PCDH9: variants seen among roughly 807,000 people sequenced by gnomAD.
The protein encoded by PCDH9 is protocadherin-9.
PCDH9 carries 24 observed loss-of-function variants against 70.6 expected under a neutral mutation model. The ratio of observed to expected loss-of-function variants is 0.34; its 90% CI spans 0.25 to 0.48. The LOEUF is 0.48. PCDH9 is among the 20% of genes least tolerant of loss of function. The pLI, the probability that PCDH9 is intolerant of heterozygous loss-of-function variation, is 0.99. For missense variants in PCDH9, 1,281 were observed against 1,503.6 expected (o/e 0.85, Z 2.45); for synonymous variants, 562 against 558.5 (o/e 1.01, Z -0.09).
chr13:66,370,123 T>C (rs147501683), intron 4 of PCDH9, among the ~76,000 whole-genome samples: 19 of 152,200 alleles, frequency 1.2e-4, no homozygotes, highest in Non-Finnish European at 2.4e-4. Flanking sequence ...TTCTTTGAGC[T>C]TTTACCTTAA....
rs137905352 is a variant in PCDH9, at chr13:66,730,876, G to T, written c.3139-99465C>A. Among the ~76,000 whole-genome samples, 140 of 46,348 alleles carry T rather than the reference G, an allele frequency of 3.0e-3. 2 individuals carry two copies. The highest frequency in any genetic ancestry group is 9.6e-3 in the African/African-American group (127 of 13,270). The allele number at this position is 46,348 out of a possible 152,430, so 30.4% of individuals were successfully genotyped here. On this transcript the variant is annotated intron_variant, in intron 3 of 4. Coordinates refer to ENST00000377865, the MANE Select transcript of PCDH9 (RefSeq NM_203487.3). ...TGTTTTTGTTTTTTTGTGTGTGTGT[G>T]TTTTTTTTTTGTTTGTTTCTTTTTT...
intron 3 of PCDH9, among the ~76,000 whole-genome samples, chr13:66,744,204 A>G (rs1490029682): frequency 1.3e-5 from 2 of 152,344 alleles, no homozygotes; most frequent in African/African-American, 4.8e-5. Context: ...TTCCTGGGAC[A>G]TGTATTTATT....
At chr13:66,322,060 G>T (rs952231992) in intron 4 of PCDH9, among the ~76,000 whole-genome samples, 1 of 151,256 alleles carries the variant, frequency 6.6e-6, no homozygotes, top group Non-Finnish European at 1.5e-5. Context: ...GCATGGGGGG[G>T]GTGTGATTAT....
At chr13:66,993,629 T>C (rs2084047590) in intron 2 of PCDH9, among the ~76,000 whole-genome samples, 1 of 152,184 alleles carries the variant, frequency 6.6e-6, no homozygotes, top group Admixed American at 6.5e-5. Flanking sequence ...TGGTTTAAAA[T>C]GCAGGACAGG....
At chr13:66,522,226 G>A (rs1173043829) in intron 4 of PCDH9, among the ~76,000 whole-genome samples, 1 of 151,574 alleles carries the variant, frequency 6.6e-6, no homozygotes, top group African/African-American at 2.4e-5. Flanking sequence ...TCAAGGCATG[G>A]CATTTGTTTT....
intron 2 of PCDH9, among the ~76,000 whole-genome samples, chr13:67,160,176 A>G (rs1212794685): frequency 6.6e-6 from 1 of 152,226 alleles, no homozygotes; most frequent in Non-Finnish European, 1.5e-5. Context: ...AAATGCAACA[A>G]CAGCAAATAC....
intron 2 of PCDH9, chr13:67,210,428 G>A (rs560883625): frequency 2.0e-5 from 3 of 152,108 alleles, no homozygotes; most frequent in African/African-American, 7.2e-5. Flanking sequence ...TGTCAGGAGA[G>A]ACTGAACCAT....
chr13:67,226,994 G>T lies in PCDH9; in HGVS notation c.1447C>A (p.Arg483=). 6.2e-7 allele frequency: 1 copy of T among 1,614,110 alleles called. No individual in the cohort carries two copies. Among genetic ancestry groups the T allele is most frequent in the Non-Finnish European group, 8.5e-7 (1 of 1,180,012 alleles). The change falls in exon 2 of 5, where the codon CGA becomes AGA. Residue 483 remains arginine (R), a synonymous_variant. Transcript: ENST00000377865. This position sits in a 1 kb window ranked among gnomAD's most constrained non-coding sequence, Gnocchi z 5.0. ...VIELSVSENN[R]RGLYLTTISA... is the part of the protein sequence containing the mutation. ...ATAGTTGTTAAGTATAACCCACGTC[G>T]GTTGTTTTCAGAAACTGACAGCTCA...
intron 4 of PCDH9, among the ~76,000 whole-genome samples, chr13:66,598,817 A>G (rs1004176871): frequency 2.0e-5 from 3 of 151,888 alleles, no homozygotes; most frequent in Admixed American, 6.6e-5. Flanking sequence ...CTCATCAGGA[A>G]CAGGAGAGAA....
At position 66,988,271 on chromosome 13, in the gene PCDH9, A is replaced by C. The variant is rs139178395; in HGVS notation, c.3037-84666T>G. ...AAATTTGTTCAGGATTGCAATATGA[A>C]AAATTAAACCTTGTATTTTACAGGT... On this transcript the variant is annotated intron_variant, in intron 2 of 4. Coordinates refer to ENST00000377865, the MANE Select transcript of PCDH9 (RefSeq NM_203487.3). Among the ~76,000 whole-genome samples, 146 of 152,202 alleles carry C rather than the reference A, an allele frequency of 9.6e-4. 1 individual carries two copies. Among genetic ancestry groups the C allele is most frequent in the African/African-American group, 3.2e-3 (135 of 41,562 alleles).
chr13:66,309,627 A>C (rs1196582289), intron 4 of PCDH9, among the ~76,000 whole-genome samples: 1 of 151,888 alleles, frequency 6.6e-6, no homozygotes, highest in Non-Finnish European at 1.5e-5. Context: ...ATATGCACTA[A>C]ACTGTAATCC....
intron 4 of PCDH9, among the ~76,000 whole-genome samples, chr13:66,350,345 C>A (rs558993109): frequency 4.2e-4 from 64 of 152,278 alleles, no homozygotes; most frequent in African/African-American, 1.4e-3. Flanking sequence ...TTAATGACTT[C>A]TTCCTTATTG....
intron 4 of PCDH9, among the ~76,000 whole-genome samples, chr13:66,515,489 A>G (rs879824880): frequency 2.6e-5 from 4 of 152,008 alleles, no homozygotes; most frequent in African/African-American, 7.2e-5. Context: ...AAATAAAACA[A>G]TTATCATATA....
intron 4 of PCDH9, among the ~76,000 whole-genome samples, chr13:66,376,228 C>T (rs536906288): frequency 1.3e-5 from 2 of 152,204 alleles, no homozygotes; most frequent in East Asian, 1.9e-4. Flanking sequence ...TTAAACAACT[C>T]ACTAGATAAA....
intron 4 of PCDH9, among the ~76,000 whole-genome samples, chr13:66,365,263 C>T (rs777114607): frequency 5.3e-5 from 8 of 152,140 alleles, no homozygotes; most frequent in South Asian, 2.1e-4. Context: ...TGTCATCTAA[C>T]GGCTCTTGTA....
chr13:66,836,824 T>G (rs1397721070), intron 3 of PCDH9, among the ~76,000 whole-genome samples: 5 of 152,206 alleles, frequency 3.3e-5, no homozygotes, highest in Non-Finnish European at 5.9e-5. Context: ...TTTTCTTGAA[T>G]TCCAGATCTC....
chr13:66,499,574 GC>G (rs1177214881), intron 4 of PCDH9, among the ~76,000 whole-genome samples: 2 of 152,184 alleles, frequency 1.3e-5, no homozygotes, highest in Admixed American at 6.5e-5. Flanking sequence ...AAGCTACACT[GC>G]CCATGGGAGT....
chr13:66,365,637 A>G (rs199732168), intron 4 of PCDH9, among the ~76,000 whole-genome samples: 1 of 152,210 alleles, frequency 6.6e-6, no homozygotes, highest in East Asian at 1.9e-4. Flanking sequence ...TTATTAAGTT[A>G]AAAAGTAGAG....
chr13:66,724,569 G>A (rs562529916), intron 3 of PCDH9, among the ~76,000 whole-genome samples: 63 of 152,150 alleles, frequency 4.1e-4, no homozygotes, highest in African/African-American at 1.5e-3. Flanking sequence ...ATGATGTCCC[G>A]GAAGCCAAAC....
Sources: allele counts gnomAD v4.1 joint callset (sites outside exome capture counted in the v4.1 genomes callset), GRCh38; gene constraint gnomAD v4.1.1; non-coding constraint Gnocchi (gnomAD v3.1); transcripts MANE v1.5; gene names NCBI Gene and HGNC (gene_info 2026-07-23, HGNC 2026-07-21).